Variants in RNF6 observed in about 807,000 individuals in gnomAD.
The protein encoded by RNF6 is E3 ubiquitin-protein ligase RNF6.
Under a neutral mutation model 50.1 loss-of-function variants are expected in RNF6, and 21 were observed. The observed-to-expected ratio is 0.42, with a 90% CI of 0.30 to 0.60. The LOEUF is 0.60. Ranked by LOEUF, RNF6 falls within the 20% of genes least tolerant of loss-of-function variation. RNF6 has a pLI of 0.20. For synonymous variants in RNF6, 255 were observed against 291.8 expected, an observed-to-expected ratio of 0.87 and a Z score of 1.29; for missense variants, 698 against 838.2, an observed-to-expected ratio of 0.83 and a Z score of 2.07.
At chr13:26,206,338 C>T (rs1490527427) in intron 5 of RNF6, among the ~76,000 whole-genome samples, 1 of 152,228 alleles carries the variant, frequency 6.6e-6, no homozygotes, top group Non-Finnish European at 1.5e-5. Flanking sequence ...GTTTGGGACC[C>T]TGGTGTAGCC....
In RNF6 at chr13:26,214,808, T is replaced by C; in HGVS notation, c.1074A>G (p.Glu358=). 6.2e-7 allele frequency: 1 copy of C among 1,614,214 alleles called. No individual in the cohort carries two copies. The highest frequency in any genetic ancestry group is 8.5e-7 in the Non-Finnish European group (1 of 1,180,036). Residue 358 remains glutamate, a synonymous_variant, in exon 5 of 5, where the codon GAA becomes GAG. Coordinates refer to ENST00000381588, the MANE Select transcript of RNF6 (RefSeq NM_005977.4). ...ATGGGGTATATGCAGTACCTCTGCG[T>C]TCTCGTTCTCTATCTTGCTCTAAAA... ...RVFLEQDRER[E]RRGTAYTPFS... is the part of the protein sequence containing the mutation.
intron 5 of RNF6, among the ~76,000 whole-genome samples, chr13:26,173,107 G>A (rs1280289974): frequency 6.6e-6 from 1 of 152,230 alleles, no homozygotes; most frequent in Non-Finnish European, 1.5e-5. Flanking sequence ...AGACCACGGT[G>A]AGGTAGAAAC....
Position 26,170,722 on chromosome 13 carries a change from G to A in RNF6, n.769-38271C>T, listed in dbSNP as rs145282479. Among the ~76,000 whole-genome samples the A allele has an allele frequency of 1.1e-3, 164 of 152,208 alleles. 1 individual carries two copies. The highest frequency in any genetic ancestry group is 3.6e-3 in the African/African-American group (151 of 41,542). On this transcript the variant is annotated intron_variant and non_coding_transcript_variant, in intron 5 of 5. Transcript: ENST00000468480. ...TAAGTACCTCCCTAAACACTTCTTG[G>A]TAAAGTTATTAGATTTTTAAAATAA... is the stretch of plus-strand genomic sequence containing the variant.
At chr13:26,208,751 G>A (rs746003748), downstream of RNF6, among the ~76,000 whole-genome samples, 3 of 152,128 alleles carry the variant, frequency 2.0e-5, no homozygotes, top group South Asian at 4.1e-4. Context: ...GATCCCAATT[G>A]GTTGGAGTAA....
intron 5 of RNF6, among the ~76,000 whole-genome samples, chr13:26,175,851 T>A (rs962240516): frequency 5.3e-5 from 8 of 152,162 alleles, no homozygotes; most frequent in Middle Eastern, 3.2e-3. Context: ...CTGATTTTTT[T>A]ATGATTCTTT....
At chr13:26,163,355 A>G (rs1235980217) in intron 5 of RNF6, among the ~76,000 whole-genome samples, 3 of 152,130 alleles carry the variant, frequency 2.0e-5, no homozygotes, top group Admixed American at 6.5e-5. Context: ...TGTTTCGTCC[A>G]TACTCCTCAC....
Position 26,188,623 on chromosome 13 carries a change from C to CT in RNF6, n.768+26850dup, listed in dbSNP as rs1163881143. On this transcript the variant is annotated intron_variant and non_coding_transcript_variant, in intron 5 of 5. Coordinates refer to the RNF6 transcript ENST00000468480. The stretch of plus-strand genomic sequence containing the variant: ...GCTTTAGTTGGACAAGTCAAAAGAG[C>CT]TTTTTTTTTTTTTTTTTTTTTTTTT... 7.6e-3 allele frequency among the ~76,000 whole-genome samples: 328 copies of CT among 43,248 alleles called. 90 individuals are homozygous for CT. The highest frequency in any genetic ancestry group is 0.034 in the African/African-American group (310 of 9,144). 28.4% of individuals were successfully genotyped at this position (43,248 alleles called of 152,430 possible).
intron 5 of RNF6, among the ~76,000 whole-genome samples, chr13:26,186,756 T>G (rs907412015): frequency 6.8e-5 from 10 of 147,974 alleles, no homozygotes; most frequent in African/African-American, 2.5e-4. Flanking sequence ...CAGGGAAGCG[T>G]CAGGGACCTT....
chr13:26,139,874 T>A (rs1316142337), intron 5 of RNF6, among the ~76,000 whole-genome samples: 1 of 152,190 alleles, frequency 6.6e-6, no homozygotes, highest in Non-Finnish European at 1.5e-5. Context: ...GGTCTCACTG[T>A]GTCCCCCAGG....
exon 6 of RNF6, chr13:26,132,255 A>G (rs1460633584): frequency 1.0e-5 from 3 of 294,782 alleles, no homozygotes; most frequent in African/African-American, 6.5e-5. Flanking sequence ...TCAGTTGACA[A>G]AACAAATGTT....
intron 5 of RNF6, among the ~76,000 whole-genome samples, chr13:26,147,498 T>G (rs1326020670): frequency 6.6e-6 from 1 of 152,182 alleles, no homozygotes; most frequent in Non-Finnish European, 1.5e-5. Context: ...TACCACTGGG[T>G]GTGAAGAGGC....
chr13:26,215,682 AT>A, intron 4 of RNF6, 90 bp from the exon 5 acceptor site: 3 of 1,151,748 alleles, frequency 2.6e-6, no homozygotes, highest in Non-Finnish European at 3.6e-6. Context: ...AAAGTTTGTA[AT>A]AAATTAAAGA....
chr13:26,222,297 G>C lies in RNF6; in HGVS notation c.-396C>G, dbSNP rs370149948. ...GGGGAGTCGCTCCGCAGCCGGCCCG[G>C]AGCTCGCCCGTGCAACTGAAAACTG... is the stretch of plus-strand genomic sequence containing the variant. On this transcript the variant is annotated 5_prime_UTR_variant, in exon 1 of 5. Coordinates refer to ENST00000381588, the MANE Select transcript of RNF6 (RefSeq NM_005977.4). The C allele has an allele frequency of 1.3e-5, 2 of 152,326 alleles. No homozygotes were observed. Among genetic ancestry groups the C allele is most frequent in the Non-Finnish European group, 2.9e-5 (2 of 68,142 alleles). The allele number at this position is 152,326 out of a possible 1,614,324, so 9.4% of individuals were successfully genotyped here. A position where few individuals can be genotyped will look rare whatever the true frequency, so the allele number is the denominator to read the frequency against.
chr13:26,219,707 A>C, intron 2 of RNF6, 40 bp from the exon 3 acceptor site: 2 of 1,527,108 alleles, frequency 1.3e-6, no homozygotes, highest in Non-Finnish European at 1.8e-6. Flanking sequence ...GTGTTAAGTC[A>C]TGGACCACAT....
chr13:26,151,982 C>CT (rs1265553972), intron 5 of RNF6, among the ~76,000 whole-genome samples: 2 of 152,134 alleles, frequency 1.3e-5, no homozygotes, highest in Non-Finnish European at 2.9e-5. Context: ...CTGCTCACGA[C>CT]TGCCACTGCC....
At chr13:26,133,345 G>T (rs920146505) in intron 5 of RNF6, among the ~76,000 whole-genome samples, 1 of 152,260 alleles carries the variant, frequency 6.6e-6, no homozygotes, top group South Asian at 2.1e-4. Flanking sequence ...TCTTTTGGTT[G>T]GCTCGGCTTG....
chr13:26,169,485 A>G (rs1443998481), intron 5 of RNF6, among the ~76,000 whole-genome samples: 2 of 152,218 alleles, frequency 1.3e-5, no homozygotes, highest in African/African-American at 4.8e-5. Context: ...TTTCTTCCAG[A>G]CTACAGGCCC....
At chr13:26,203,543 T>C (rs1868975919) in intron 5 of RNF6, among the ~76,000 whole-genome samples, 1 of 152,228 alleles carries the variant, frequency 6.6e-6, no homozygotes, top group African/African-American at 2.4e-5. Context: ...TGTGACACAG[T>C]GCTCAGGCCC....
chr13:26,156,375 A>G (rs1043130126), intron 5 of RNF6, among the ~76,000 whole-genome samples: 22 of 152,212 alleles, frequency 1.4e-4, no homozygotes, highest in Non-Finnish European at 2.8e-4. Context: ...TAAGGTTTAA[A>G]AGTGGAGGAA....
Sources: gnomAD v4.1 joint callset for allele counts (sites outside exome capture counted in the v4.1 genomes callset) on GRCh38, gnomAD v4.1.1 for gene constraint, MANE v1.5 for transcripts, NCBI Gene and HGNC (gene_info 2026-07-23, HGNC 2026-07-21) for gene names.